The following KLRG1 variants were observed in gnomAD, a reference collection of about 807,000 sequenced individuals.
The protein encoded by KLRG1 is killer cell lectin like receptor G1.
KLRG1 carries 16 observed loss-of-function variants against 21.8 expected under a neutral mutation model. The ratio of observed to expected loss-of-function variants is 0.73; its 90% CI spans 0.50 to 1.11. The LOEUF (loss-of-function observed/expected upper bound fraction) is 1.11. KLRG1 is among the 50% of genes most tolerant of loss of function. The pLI, the probability that KLRG1 is intolerant of heterozygous loss-of-function variation, is 0.00. For synonymous variants in KLRG1, 69 were observed against 75.9 expected, an observed-to-expected ratio of 0.91 and a Z score of 0.47; for missense variants, 173 against 218.3, an observed-to-expected ratio of 0.79 and a Z score of 1.31.
the KLRG1 span, among the ~76,000 whole-genome samples, chr12:9,178,220 G>A: frequency 2.0e-3 from 311 of 152,234 alleles, no homozygotes; most frequent in African/African-American, 7.2e-3. Flanking sequence ...CAATTCATAC[G>A]TTTTAAATTG....
chr12:9,090,341 C>A, the KLRG1 span: 1 of 1,613,920 alleles, frequency 6.2e-7, no homozygotes, highest in Non-Finnish European at 8.5e-7. Context: ...TTATCTCTAG[C>A]AGTTTTTTGC....
the KLRG1 span, chr12:9,158,539 G>A: frequency 5.6e-6 from 9 of 1,613,996 alleles, no homozygotes; most frequent in South Asian, 4.4e-5. Context: ...ATGTAGGATC[G>A]AGCCTGGGCG....
chr12:8,988,599 G>C (rs888184342), upstream of KLRG1, among the ~76,000 whole-genome samples: 2 of 151,348 alleles, frequency 1.3e-5, no homozygotes, highest in East Asian at 3.9e-4. Context: ...TTTTTTAGAC[G>C]GAGTTTCACT....
At chr12:9,179,699 G>T in the KLRG1 span, among the ~76,000 whole-genome samples, 1 of 152,164 alleles carries the variant, frequency 6.6e-6, no homozygotes, top group South Asian at 2.1e-4. Context: ...GACCAAAAGT[G>T]ATTCTATTTA....
intron 1 of KLRG1, among the ~76,000 whole-genome samples, chr12:8,974,567 A>G (rs1946626117): frequency 6.6e-6 from 1 of 152,164 alleles, no homozygotes; most frequent in Admixed American, 6.6e-5. Context: ...TTTTTTGAGA[A>G]TGTACATTAT....
chr12:9,063,807 T>G, the KLRG1 span, among the ~76,000 whole-genome samples: 1 of 152,230 alleles, frequency 6.6e-6, no homozygotes. Context: ...TTGTTTAATT[T>G]TGTATTATAG....
At chr12:9,014,191 G>T (rs1947668789), downstream of KLRG1, among the ~76,000 whole-genome samples, 1 of 152,116 alleles carries the variant, frequency 6.6e-6, no homozygotes, top group African/African-American at 2.4e-5. Flanking sequence ...GGGGTAGAAA[G>T]TTTATTCAAA....
the KLRG1 span, among the ~76,000 whole-genome samples, chr12:9,189,715 T>C: frequency 1.3e-5 from 2 of 152,090 alleles, no homozygotes; most frequent in African/African-American, 4.8e-5. Flanking sequence ...ACTTAGAGAA[T>C]GAGAGAAAAC....
At chr12:9,136,127 T>C in the KLRG1 span, among the ~76,000 whole-genome samples, 3 of 152,198 alleles carry the variant, frequency 2.0e-5, no homozygotes, top group African/African-American at 4.8e-5. Flanking sequence ...TATTGTGTTT[T>C]TGACCTTGAA....
the KLRG1 span, among the ~76,000 whole-genome samples, chr12:9,018,692 AAGAAAG>A: frequency 2.8e-5 from 4 of 143,966 alleles, no homozygotes; most frequent in African/African-American, 9.8e-5. Context: ...AAAAAAAAAA[AAGAAAG>A]AAAGAAAGAA....
In KLRG1 at chr12:8,992,298, A is replaced by G. The variant is rs754020252; in HGVS notation, c.175A>G (p.Ile59Val). 3 of 1,611,092 alleles carry G rather than the reference A, an allele frequency of 1.9e-6. No homozygotes were observed. The highest frequency in any genetic ancestry group is 1.3e-5 in the African/African-American group (1 of 74,888). Reference sequence around the variant, plus strand: ...TCTGAGTGTGCTGCTATACCAGTGGATCCTGTGCCAGGGTAAGTGCAAACT... The same window carrying G: ...TCTGAGTGTGCTGCTATACCAGTGGGTCCTGTGCCAGGGTAAGTGCAAACT... Reference protein sequence around the residue: ...VLLSVLLYQWILCQGSNYSTC... With the variant: ...VLLSVLLYQWVLCQGSNYSTC... The change falls in exon 2 of 5, where the codon ATC becomes GTC. Residue 59 changes from isoleucine (I) to valine (V), a missense_variant. Ile to Val is a conservative substitution (Grantham distance 29, BLOSUM62 3). This residue lies in a region of KLRG1 where 144 missense variants were observed against 161.5 expected (regional missense o/e 0.89). Coordinates refer to ENST00000356986, the MANE Select transcript of KLRG1 (RefSeq NM_005810.4).
chr12:9,149,296 A>G, the KLRG1 span, among the ~76,000 whole-genome samples: 107 of 152,364 alleles, frequency 7.0e-4, no homozygotes, highest in Non-Finnish European at 1.1e-3. Context: ...AGGAAGCCCA[A>G]TTAGCTGTGA....
At chr12:9,079,138 G>T in the KLRG1 span, 2 of 811,644 alleles carry the variant, frequency 2.5e-6, no homozygotes, top group African/African-American at 1.7e-5. Context: ...ACAAACCATC[G>T]GTCTGATAAT....
chr12:9,164,343 G>T, the KLRG1 span: 1 of 1,424,726 alleles, frequency 7.0e-7, no homozygotes, highest in Non-Finnish European at 9.6e-7. Context: ...AGTGTGAGAT[G>T]CTGCAGTAAA....
At chr12:9,095,947 G>A in the KLRG1 span, among the ~76,000 whole-genome samples, 589 of 151,024 alleles carry the variant, frequency 3.9e-3, 1 homozygote, top group Non-Finnish European at 6.4e-3. Flanking sequence ...TTTTAGTAGA[G>A]ACGGGGTTTC....
At chr12:8,964,159 T>G (rs1314806112) in intron 1 of KLRG1, among the ~76,000 whole-genome samples, 1 of 152,238 alleles carries the variant, frequency 6.6e-6, no homozygotes, top group Admixed American at 6.5e-5. Flanking sequence ...TCCTGCTTTC[T>G]CTTGTGGGCA....
the KLRG1 span, chr12:9,168,427 A>T: frequency 6.4e-6 from 1 of 156,564 alleles, no homozygotes; most frequent in Non-Finnish European, 1.4e-5. Flanking sequence ...GTGTTGAAAA[A>T]GGCTGCTGTA....
At chr12:9,157,156 CACTTAT>C in the KLRG1 span, 241 of 1,606,666 alleles carry the variant, frequency 1.5e-4, no homozygotes, top group Non-Finnish European at 2.0e-4. Context: ...GTTCAGCTCC[CACTTAT>C]AAGTGCTCTC....
At chr12:9,214,692 A>ATTC in the KLRG1 span, among the ~76,000 whole-genome samples, 1 of 152,010 alleles carries the variant, frequency 6.6e-6, no homozygotes, top group Admixed American at 6.6e-5. Flanking sequence ...GTCCGTCCAG[A>ATTC]TAGCAGTTAT....
Sources: gnomAD v4.1 joint callset for allele counts (sites outside exome capture counted in the v4.1 genomes callset) on GRCh38, gnomAD v4.1.1 for gene constraint, gnomAD v4.1.1 regional missense constraint, MANE v1.5 for transcripts, NCBI Gene and HGNC (gene_info 2026-07-23, HGNC 2026-07-21) for gene names.